CADM1: variants seen among roughly 807,000 people sequenced by gnomAD.
CADM1 encodes the protein cell adhesion molecule 1, also known as TSLC-1.
Under a neutral mutation model 53.1 loss-of-function variants are expected in CADM1, and 15 were observed. The ratio of observed to expected loss-of-function variants is 0.28; its 90% CI spans 0.19 to 0.44. The LOEUF (loss-of-function observed/expected upper bound fraction) is 0.44. Ranked by LOEUF, CADM1 falls within the 20% of genes least tolerant of loss-of-function variation. The probability of loss-of-function intolerance (pLI) is 1.00; values close to 1 mark genes in which losing one functional copy is unlikely to be tolerated. For synonymous variants in CADM1, 281 were observed against 243.0 expected, an observed-to-expected ratio of 1.16 and a Z score of -1.45; for missense variants, 434 against 611.3, an observed-to-expected ratio of 0.71 and a Z score of 3.06.
intron 11 of CADM1, among the ~76,000 whole-genome samples, chr11:115,177,033 T>C (rs1254987879): frequency 6.6e-6 from 1 of 152,228 alleles, no homozygotes; most frequent in Non-Finnish European, 1.5e-5. Context: ...GCTTCTGTTG[T>C]CACCTCAGCT....
chr11:115,416,708 C>CACAT (rs1947607374), intron 1 of CADM1, among the ~76,000 whole-genome samples: 1 of 150,556 alleles, frequency 6.6e-6, no homozygotes, highest in African/African-American at 2.4e-5. Flanking sequence ...TACACACACA[C>CACAT]ACACACACAC....
At chr11:115,440,291 G>A (rs1948280540) in intron 1 of CADM1, among the ~76,000 whole-genome samples, 2 of 152,128 alleles carry the variant, frequency 1.3e-5, no homozygotes, top group Admixed American at 6.5e-5. Flanking sequence ...CTTACCACAC[G>A]TGATAAACTG....
chr11:115,185,365 A>G (rs1939493928), intron 10 of CADM1, among the ~76,000 whole-genome samples: 1 of 152,208 alleles, frequency 6.6e-6, no homozygotes, highest in South Asian at 2.1e-4. Flanking sequence ...TTTCATTTAT[A>G]CAGAATTGAC....
chr11:115,402,082 CTT>C (rs1057102601), intron 1 of CADM1, among the ~76,000 whole-genome samples: 2 of 152,044 alleles, frequency 1.3e-5, no homozygotes, highest in African/African-American at 2.4e-5. Flanking sequence ...TAAAAAATAA[CTT>C]TGTGTACATA....
At chr11:115,334,702 G>A (rs1945220934) in intron 1 of CADM1, among the ~76,000 whole-genome samples, 1 of 152,000 alleles carries the variant, frequency 6.6e-6, no homozygotes, top group Admixed American at 6.6e-5. Context: ...AGAATAAAGG[G>A]GGACAACTAT....
chr11:115,476,449 G>T (rs934810356), intron 1 of CADM1, among the ~76,000 whole-genome samples: 4 of 152,210 alleles, frequency 2.6e-5, no homozygotes, highest in Admixed American at 2.0e-4. Context: ...TCTGAGGCAG[G>T]TTTATCTTAA....
chr11:115,298,582 T>A (rs1355561645), intron 1 of CADM1, among the ~76,000 whole-genome samples: 1 of 152,234 alleles, frequency 6.6e-6, no homozygotes. Flanking sequence ...ATTGATCCTG[T>A]TACAATTGTA....
At chr11:115,287,131 T>C (rs536240069) in intron 1 of CADM1, among the ~76,000 whole-genome samples, 11 of 152,330 alleles carry the variant, frequency 7.2e-5, no homozygotes, top group Admixed American at 3.9e-4. Flanking sequence ...AGGAACACAT[T>C]GCATTCTCTC....
intron 9 of CADM1, among the ~76,000 whole-genome samples, chr11:115,192,509 G>A: frequency 6.6e-6 from 1 of 152,174 alleles, no homozygotes; most frequent in East Asian, 1.9e-4. Flanking sequence ...AAAGACTGAT[G>A]AATACAATTA....
intron 1 of CADM1, among the ~76,000 whole-genome samples, chr11:115,433,965 T>A (rs549462581): frequency 6.6e-6 from 1 of 152,228 alleles, no homozygotes; most frequent in Non-Finnish European, 1.5e-5. Flanking sequence ...CCTGAATTTA[T>A]TAACCTGCCA....
chr11:115,340,800 A>G (rs1229307457), intron 1 of CADM1, among the ~76,000 whole-genome samples: 2 of 150,022 alleles, frequency 1.3e-5, no homozygotes, highest in Admixed American at 1.3e-4. Context: ...AACTGGGATT[A>G]CAAGCATGTG....
chr11:115,183,477 CTGGCAAATAGGGACTT>C (rs1347917996), intron 10 of CADM1, among the ~76,000 whole-genome samples: 2 of 152,210 alleles, frequency 1.3e-5, no homozygotes, highest in African/African-American at 2.4e-5. Context: ...AGACAAGCTC[CTGGCAAATAGGGACTT>C]TGGCAGAAGG....
rs764942633 is a variant in CADM1, at chr11:115,298,976, CAAG to C, written c.125-58559_125-58557del. 3.9e-5 allele frequency among the ~76,000 whole-genome samples: 6 copies of C among 152,296 alleles called. No homozygotes were observed. In the East Asian group the frequency reaches 1.2e-3, roughly 29 times the overall value. ...TCAGACTCTCTCGGAATACTAATATCAAGAAGATCACCATGACATCTGCCTACT... is the reference window on the plus strand; with the variant it reads ...TCAGACTCTCTCGGAATACTAATATCAAGATCACCATGACATCTGCCTACT... On this transcript the variant is annotated intron_variant, in intron 1 of 11. Coordinates refer to ENST00000331581, the MANE Select transcript of CADM1 (RefSeq NM_001301043.2).
chr11:115,463,678 G>A (rs1391661078), intron 1 of CADM1, among the ~76,000 whole-genome samples: 1 of 152,162 alleles, frequency 6.6e-6, no homozygotes, highest in Non-Finnish European at 1.5e-5. Flanking sequence ...CTGACCCAGT[G>A]GGGTTTCTAC....
chr11:115,175,723 T>C lies in CADM1; in HGVS notation c.*751A>G, dbSNP rs1803040071. The C allele has an allele frequency of 1.0e-6, 1 of 988,436 alleles. No homozygotes were observed. Among genetic ancestry groups the C allele is most frequent in the Non-Finnish European group, 1.2e-6 (1 of 831,882 alleles). 61.2% of individuals were successfully genotyped at this position (988,436 alleles called of 1,614,324 possible). A position where few individuals can be genotyped will look rare whatever the true frequency, so the allele number is the denominator to read the frequency against. On this transcript the variant is annotated 3_prime_UTR_variant, in exon 12 of 12. Transcript: ENST00000331581. ...TTAAAGACAGTGAAATTCAATCTCATTGTGACACACCTCACTTGCAGATAA... is the reference window on the plus strand; with the variant it reads ...TTAAAGACAGTGAAATTCAATCTCACTGTGACACACCTCACTTGCAGATAA...
intron 1 of CADM1, among the ~76,000 whole-genome samples, chr11:115,494,964 C>T (rs1234375303): frequency 6.6e-6 from 1 of 152,158 alleles, no homozygotes; most frequent in Non-Finnish European, 1.5e-5. Context: ...AAATAAACAG[C>T]AACTAACAAT....
chr11:115,273,665 T>TA (rs1380959159), intron 1 of CADM1, among the ~76,000 whole-genome samples: 1 of 152,232 alleles, frequency 6.6e-6, no homozygotes, highest in Non-Finnish European at 1.5e-5. Context: ...CCCTGGGGTT[T>TA]AGATTGTCAT....
chr11:115,189,871 G>A (rs981966907), intron 10 of CADM1, among the ~76,000 whole-genome samples: 2 of 152,318 alleles, frequency 1.3e-5, no homozygotes, highest in Non-Finnish European at 2.9e-5. Flanking sequence ...TAACAGCAAA[G>A]TGAAGATATC....
At chr11:115,393,066 CA>C (rs758785520) in intron 1 of CADM1, among the ~76,000 whole-genome samples, 3,546 of 50,266 alleles carry the variant, frequency 0.071, 42 homozygotes, top group African/African-American at 0.17. Context: ...CCATCTCTTC[CA>C]AAAAAAAAAA....
Sources: allele counts gnomAD v4.1 joint callset (sites outside exome capture counted in the v4.1 genomes callset), GRCh38; gene constraint gnomAD v4.1.1; transcripts MANE v1.5; gene names NCBI Gene and HGNC (gene_info 2026-07-23, HGNC 2026-07-21).